The following CYP3A43 variants were observed in gnomAD, a reference collection of about 807,000 sequenced individuals.
The protein encoded by CYP3A43 is cytochrome P450 3A43.
A neutral mutation model predicts 58.0 loss-of-function variants in CYP3A43; 45 were observed. The observed-to-expected ratio is 0.78, with a 90% CI of 0.61 to 0.99. The LOEUF (loss-of-function observed/expected upper bound fraction) is 0.99, where lower values mean the gene tolerates loss of function less well. Ranked by LOEUF, CYP3A43 falls within the 50% of genes least tolerant of loss-of-function variation. The pLI, the probability that CYP3A43 is intolerant of heterozygous loss-of-function variation, is 0.00. For missense variants in CYP3A43, 593 were observed against 591.9 expected (o/e 1.00, Z -0.02); for synonymous variants, 191 against 201.4 (o/e 0.95, Z 0.44).
At chr7:99,849,463 G>A in intron 6 of CYP3A43, 83 bp from the exon 7 acceptor site, 1 of 1,481,082 alleles carries the variant, frequency 6.8e-7, no homozygotes, top group Admixed American at 2.4e-5. Context: ...GTCTTGCTCT[G>A]GCATAGCACT....
chr7:99,863,153 C>T (rs974948801), intron 11 of CYP3A43, among the ~76,000 whole-genome samples: 10 of 152,208 alleles, frequency 6.6e-5, no homozygotes, highest in African/African-American at 2.4e-4. Context: ...TGCTGCATGT[C>T]AGCTTCCCTG....
In CYP3A43 at chr7:99,863,924, A is replaced by G. The variant is rs150834416; in HGVS notation, c.1416+225A>G. Among the ~76,000 whole-genome samples the G allele has an allele frequency of 8.2e-4, 122 of 148,758 alleles. 2 individuals carry two copies. The highest frequency in any genetic ancestry group is 4.4e-3 in the Admixed American group (67 of 15,198). ...TCATCTAATGTCAATATAGATTAGC[A>G]TGGTATAATTATGTTCAGTCTCTGT... On this transcript the variant is annotated intron_variant, in intron 12 of 12. Transcript: ENST00000354829.
intron 7 of CYP3A43, among the ~76,000 whole-genome samples, chr7:99,850,552 T>A (rs964860760): frequency 6.6e-6 from 1 of 152,034 alleles, no homozygotes. Flanking sequence ...CTTCCTCACC[T>A]TTTTTATGTT....
At chr7:99,848,287 C>T in intron 6 of CYP3A43, 33 bp downstream of exon 6, 5 of 1,604,728 alleles carry the variant, frequency 3.1e-6, no homozygotes, top group Non-Finnish European at 4.3e-6. Context: ...TCTGAGCTGT[C>T]ATGAGCCCCT....
chr7:99,830,153 C>T (rs1157834378), intron 1 of CYP3A43, among the ~76,000 whole-genome samples: 4 of 152,154 alleles, frequency 2.6e-5, no homozygotes, highest in African/African-American at 9.7e-5. Flanking sequence ...CTGAAGTTCT[C>T]ATACCTAAAG....
intron 9 of CYP3A43, among the ~76,000 whole-genome samples, chr7:99,857,378 G>T (rs1278774237): frequency 1.3e-5 from 2 of 152,094 alleles, no homozygotes; most frequent in African/African-American, 4.8e-5. Flanking sequence ...ACTGTGTAAT[G>T]TCCTTTTCCT....
chr7:99,862,800 A>G (rs573332276), intron 11 of CYP3A43, among the ~76,000 whole-genome samples: 2 of 152,322 alleles, frequency 1.3e-5, no homozygotes, highest in South Asian at 4.1e-4. Flanking sequence ...GACTCTGTAC[A>G]TAATACTTGT....
At position 99,847,541 on chromosome 7, in the gene CYP3A43, A is replaced by G; in HGVS notation, c.372A>G (p.Glu124=). Residue 124 remains glutamate (E), a synonymous_variant, in exon 5 of 13, where the codon GAA becomes GAG. Coordinates refer to ENST00000354829, the MANE Select transcript of CYP3A43 (RefSeq NM_057095.3). ...GTGCCTTAAGTTTTGCTGAAGATGA[A>G]GAATGGAAGAGAATACGAACATTGC... ...LKSALSFAED[E]EWKRIRTLLS... 4.3e-6 allele frequency: 7 copies of G among 1,614,072 alleles called. No homozygotes were observed. The highest frequency in any genetic ancestry group is 5.9e-6 in the Non-Finnish European group (7 of 1,179,988).
At chr7:99,851,347 G>T (rs896998298) in intron 7 of CYP3A43, among the ~76,000 whole-genome samples, 2 of 152,152 alleles carry the variant, frequency 1.3e-5, no homozygotes, top group African/African-American at 4.8e-5. Context: ...GCGTTTTATA[G>T]TAGTAATTCC....
rs766579701 is a variant in CYP3A43, at chr7:99,863,565, G to A, written c.1282G>A (p.Asp428Asn). ...RFSKKNKDSIDLYRYIPFGAG... is the reference protein window; with the variant it reads ...RFSKKNKDSINLYRYIPFGAG... ...CAGTAAGAAGAACAAGGACAGCATAGATCTTTACAGATACATACCTTTTGG... is the reference window on the plus strand; with the variant it reads ...CAGTAAGAAGAACAAGGACAGCATAAATCTTTACAGATACATACCTTTTGG... The change falls in exon 12 of 13, where the codon GAT becomes AAT. Residue 428 changes from aspartate (D) to asparagine (N), a missense_variant. By Grantham distance (23) the Asp-to-Asn change is conservative (BLOSUM62 1). Coordinates refer to ENST00000354829, the MANE Select transcript of CYP3A43 (RefSeq NM_057095.3). The A allele has an allele frequency of 2.7e-5, 43 of 1,612,660 alleles. No homozygotes were observed. Among genetic ancestry groups the A allele is most frequent in the Non-Finnish European group, 3.5e-5 (41 of 1,179,542 alleles).
intron 1 of CYP3A43, among the ~76,000 whole-genome samples, 154 bp downstream of exon 1, chr7:99,828,340 A>C (rs111356920): frequency 3.7e-4 from 56 of 152,330 alleles, no homozygotes; most frequent in South Asian, 2.3e-3. Flanking sequence ...TATTATTAAT[A>C]TGTTAGGACT....
intron 4 of CYP3A43, among the ~76,000 whole-genome samples, chr7:99,844,599 T>C (rs1817470016): frequency 1.3e-5 from 2 of 152,220 alleles, no homozygotes; most frequent in Non-Finnish European, 2.9e-5. Context: ...CTGCTGGTAT[T>C]CTGTTGTTAC....
At chr7:99,832,220 A>G (rs651430) in intron 1 of CYP3A43, among the ~76,000 whole-genome samples, 85,634 of 151,394 alleles carry the variant, frequency 0.57, 26,385 homozygotes, top group African/African-American at 0.83. Flanking sequence ...ATGTAGTGAT[A>G]CACAAACTCA....
chr7:99,851,291 A>G (rs1715234485), intron 7 of CYP3A43, among the ~76,000 whole-genome samples: 1 of 152,192 alleles, frequency 6.6e-6, no homozygotes, highest in Admixed American at 6.5e-5. Flanking sequence ...ATGTTTGAAT[A>G]CTTGATTTTT....
intron 3 of CYP3A43, among the ~76,000 whole-genome samples, chr7:99,843,806 A>G (rs1164179848): frequency 1.3e-5 from 2 of 152,186 alleles, no homozygotes; most frequent in African/African-American, 4.8e-5. Flanking sequence ...ATTATGGAGA[A>G]TGGTATAGGG....
intron 12 of CYP3A43, among the ~76,000 whole-genome samples, chr7:99,864,146 G>T (rs1442938810): frequency 1.3e-5 from 2 of 148,360 alleles, no homozygotes; most frequent in Admixed American, 6.6e-5. Flanking sequence ...AATCACTGGG[G>T]AGCTTCAAAA....
chr7:99,828,067 A>G lies in CYP3A43; in HGVS notation c.-49A>G. On this transcript the variant is annotated 5_prime_UTR_variant, in exon 1 of 13. Coordinates refer to ENST00000354829, the MANE Select transcript of CYP3A43 (RefSeq NM_057095.3). ...TGCACAGCCCAGCAAAGAGCAGCAC[A>G]CAGCTGAAAGAAAAACTCAGAAGAC... 1 of 1,488,704 alleles carries G rather than the reference A, an allele frequency of 6.7e-7. No individual in the cohort carries two copies. The highest frequency in any genetic ancestry group is 1.4e-5 in the African/African-American group (1 of 72,508). The allele number at this position is 1,488,704 out of a possible 1,614,324, so 92.2% of individuals were successfully genotyped here. A position where few individuals can be genotyped will look rare whatever the true frequency, so the allele number is the denominator to read the frequency against.
At chr7:99,850,847 G>T (rs1817733941) in intron 7 of CYP3A43, among the ~76,000 whole-genome samples, 2 of 152,074 alleles carry the variant, frequency 1.3e-5, no homozygotes. Flanking sequence ...TTCTTTTTAT[G>T]ACCAAATAAT....
In CYP3A43 at chr7:99,844,122, GCT is replaced by G. The variant is rs1272680395; in HGVS notation, c.219-18_219-17del. 2 of 1,597,502 alleles carry G rather than the reference GCT, an allele frequency of 1.3e-6. No homozygotes were observed. Among genetic ancestry groups the G allele is most frequent in the Non-Finnish European group, 1.7e-6 (2 of 1,171,006 alleles). ...GAATCAGGCAAGCGAGGTTTAGTCA[GCT>G]CTGTTTTCCCCCACACAGGCTGTAT... On this transcript the variant is annotated intron_variant, in intron 3 of 12. Transcript: ENST00000354829.
Sources: allele counts gnomAD v4.1 joint callset (sites outside exome capture counted in the v4.1 genomes callset), GRCh38; gene constraint gnomAD v4.1.1; transcripts MANE v1.5; gene names NCBI Gene and HGNC (gene_info 2026-07-23, HGNC 2026-07-21).